NFATC3: variants seen among roughly 807,000 people sequenced by gnomAD.
NFATC3 encodes nuclear factor of activated T cells 3.
NFATC3 carries 46 observed loss-of-function variants against 98.6 expected under a neutral mutation model. The ratio of observed to expected loss-of-function variants is 0.47; its 90% CI spans 0.37 to 0.60. The LOEUF (loss-of-function observed/expected upper bound fraction) is 0.60. Ranked by LOEUF, NFATC3 falls within the 20% of genes least tolerant of loss-of-function variation. The probability of loss-of-function intolerance (pLI) is 0.00; values close to 1 mark genes in which losing one functional copy is unlikely to be tolerated. For missense variants in NFATC3, 1,256 were observed against 1,295.5 expected (o/e 0.97, Z 0.47); for synonymous variants, 512 against 472.2 (o/e 1.08, Z -1.09).
At chr16:68,214,602 C>G (rs144463000) in intron 9 of NFATC3, among the ~76,000 whole-genome samples, 1 of 152,166 alleles carries the variant, frequency 6.6e-6, no homozygotes, top group Non-Finnish European at 1.5e-5. Flanking sequence ...GCTTTTTAAA[C>G]TTAACCACAC....
intron 9 of NFATC3, chr16:68,225,618 A>C (rs1006684758): frequency 6.6e-6 from 1 of 152,190 alleles, no homozygotes; most frequent in Non-Finnish European, 1.5e-5. Context: ...AACATTTGAA[A>C]GTTTTTCATG....
At chr16:68,213,029 C>T (rs779644027) in intron 9 of NFATC3, among the ~76,000 whole-genome samples, 34 of 145,952 alleles carry the variant, frequency 2.3e-4, no homozygotes, top group Non-Finnish European at 3.5e-4. Context: ...TCGGTGTCCT[C>T]ACCTCATGAT....
At chr16:68,105,559 A>G (rs887256851) in intron 1 of NFATC3, among the ~76,000 whole-genome samples, 1 of 152,100 alleles carries the variant, frequency 6.6e-6, no homozygotes, top group African/African-American at 2.4e-5. Flanking sequence ...GTTTATATTC[A>G]TACGGGATAT....
At chr16:68,175,568 T>C (rs539791032) in intron 6 of NFATC3, among the ~76,000 whole-genome samples, 1 of 150,222 alleles carries the variant, frequency 6.7e-6, no homozygotes, top group African/African-American at 2.4e-5. Context: ...ATGAAAGACT[T>C]TTTTTTTTTG....
At chr16:68,169,217 G>A (rs976477601) in intron 5 of NFATC3, among the ~76,000 whole-genome samples, 17 of 152,266 alleles carry the variant, frequency 1.1e-4, no homozygotes, top group African/African-American at 4.1e-4. Flanking sequence ...TAATTATCCT[G>A]CCAGAGGGTT....
chr16:68,206,645 A>G (rs560141610), intron 9 of NFATC3, among the ~76,000 whole-genome samples: 1 of 152,270 alleles, frequency 6.6e-6, no homozygotes, highest in African/African-American at 2.4e-5. Flanking sequence ...ATAATATTCA[A>G]TTTTTTGTGT....
intron 1 of NFATC3, among the ~76,000 whole-genome samples, chr16:68,113,778 T>C (rs1398526197): frequency 6.6e-6 from 1 of 152,240 alleles, no homozygotes; most frequent in African/African-American, 2.4e-5. Context: ...CTAGAGTTAC[T>C]GCAGTTCCTG....
At chr16:68,090,322 A>ACACACACAC (rs2034637624) in intron 1 of NFATC3, among the ~76,000 whole-genome samples, 1 of 125,802 alleles carries the variant, frequency 7.9e-6, no homozygotes, top group African/African-American at 3.0e-5. Context: ...TTTCTTTAAA[A>ACACACACAC]ACACACACAC....
chr16:68,184,021 A>G lies in NFATC3; in HGVS notation c.2098+655A>G, dbSNP rs866376606. 5.7e-4 allele frequency among the ~76,000 whole-genome samples: 86 copies of G among 151,950 alleles called. 2 individuals are homozygous for G. Among genetic ancestry groups the G allele is most frequent in the Admixed American group, 1.3e-3 (20 of 15,248 alleles). ...CTCCGTCACAAAAAAAAAAAAAAAA[A>G]AAAAGAAATGAGCTTTAACAGAAAG... On this transcript the variant is annotated intron_variant, in intron 8 of 9. Transcript: ENST00000346183.
chr16:68,163,143 A>G (rs2038978338), intron 4 of NFATC3, among the ~76,000 whole-genome samples: 1 of 152,154 alleles, frequency 6.6e-6, no homozygotes, highest in South Asian at 2.1e-4. Flanking sequence ...ACCTCTTTCT[A>G]CACAGACATG....
intron 1 of NFATC3, among the ~76,000 whole-genome samples, chr16:68,105,830 T>G (rs2035623809): frequency 6.6e-6 from 1 of 152,168 alleles, no homozygotes; most frequent in African/African-American, 2.4e-5. Context: ...AGGAGTTTGC[T>G]CATTCCTTCT....
intron 6 of NFATC3, among the ~76,000 whole-genome samples, chr16:68,178,748 A>T (rs2039826000): frequency 6.6e-6 from 1 of 152,186 alleles, no homozygotes; most frequent in Admixed American, 6.5e-5. Context: ...CCACTGTAAA[A>T]ATTCATCTGT....
chr16:68,218,657 C>A (rs907844708), intron 9 of NFATC3, among the ~76,000 whole-genome samples: 2 of 150,284 alleles, frequency 1.3e-5, no homozygotes, highest in Non-Finnish European at 3.0e-5. Flanking sequence ...ACTGCAAGCT[C>A]TGCCTCATGG....
chr16:68,202,615 C>T (rs1469849051), intron 9 of NFATC3, among the ~76,000 whole-genome samples: 1 of 152,066 alleles, frequency 6.6e-6, no homozygotes, highest in Non-Finnish European at 1.5e-5. Context: ...AGTTTGAGAC[C>T]AGCCTGGCCA....
chr16:68,125,838 AAT>A (rs1397013988), intron 2 of NFATC3, among the ~76,000 whole-genome samples: 1 of 152,164 alleles, frequency 6.6e-6, no homozygotes, highest in Admixed American at 6.5e-5. Context: ...TTTTCAAAAA[AAT>A]ATGGGAAACC....
intron 5 of NFATC3, among the ~76,000 whole-genome samples, chr16:68,173,847 T>A (rs1322871238): frequency 1.3e-5 from 2 of 152,142 alleles, no homozygotes; most frequent in African/African-American, 2.4e-5. Context: ...TCTTTATAGT[T>A]GTAGTCTAAG....
At chr16:68,130,648 G>C (rs1291116202) in intron 3 of NFATC3, among the ~76,000 whole-genome samples, 2 of 152,086 alleles carry the variant, frequency 1.3e-5, no homozygotes, top group Admixed American at 6.6e-5. Context: ...AAGCTATTTA[G>C]TTGATAGAGT....
At chr16:68,164,988 G>A (rs976149479) in intron 4 of NFATC3, among the ~76,000 whole-genome samples, 4 of 151,984 alleles carry the variant, frequency 2.6e-5, no homozygotes, top group African/African-American at 9.7e-5. Context: ...TATTTTGCTT[G>A]CTTTTTTGTT....
chr16:68,206,602 A>T (rs773670418), intron 9 of NFATC3, among the ~76,000 whole-genome samples: 3 of 152,250 alleles, frequency 2.0e-5, no homozygotes, highest in African/African-American at 7.2e-5. Flanking sequence ...TTTATATAGC[A>T]TATTATTTAC....
Sources: allele counts gnomAD v4.1 joint callset (sites outside exome capture counted in the v4.1 genomes callset), GRCh38; gene constraint gnomAD v4.1.1; transcripts MANE v1.5; gene names NCBI Gene and HGNC (gene_info 2026-07-23, HGNC 2026-07-21).